The following MOB3B variants were observed in gnomAD, a reference collection of about 807,000 sequenced individuals.
The protein encoded by MOB3B is MOB kinase activator 3B.
MOB3B carries 7 observed loss-of-function variants against 18.7 expected under a neutral mutation model. The observed-to-expected ratio is 0.37, with a 90% CI of 0.21 to 0.70. The LOEUF is 0.70. Ranked by LOEUF, MOB3B falls within the 30% of genes least tolerant of loss-of-function variation. The pLI, the probability that MOB3B is intolerant of heterozygous loss-of-function variation, is 0.52. For synonymous variants in MOB3B, 111 were observed against 99.9 expected (o/e 1.11, Z -0.66); for missense variants, 253 against 281.3 (o/e 0.90, Z 0.72).
intron 2 of MOB3B, among the ~76,000 whole-genome samples, chr9:27,395,655 A>G (rs1161706861): frequency 6.6e-6 from 1 of 152,160 alleles, no homozygotes; most frequent in Non-Finnish European, 1.5e-5. Context: ...AACAGGAGAT[A>G]CCATATGGGT....
chr9:27,390,491 C>T (rs970817282), intron 2 of MOB3B, among the ~76,000 whole-genome samples: 3 of 152,164 alleles, frequency 2.0e-5, no homozygotes, highest in African/African-American at 7.2e-5. Flanking sequence ...CGTGAGCCAC[C>T]GTGCCCGGCC....
intron 3 of MOB3B, among the ~76,000 whole-genome samples, chr9:27,338,879 C>G (rs562279293): frequency 6.6e-6 from 1 of 152,352 alleles, no homozygotes; most frequent in East Asian, 1.9e-4. Context: ...CACCCCGACT[C>G]CGGTGGACAG....
At chr9:27,503,397 T>C (rs769106722) in intron 1 of MOB3B, among the ~76,000 whole-genome samples, 5 of 152,196 alleles carry the variant, frequency 3.3e-5, no homozygotes, top group Non-Finnish European at 5.9e-5. Context: ...CATCAACTTC[T>C]CGCAAATTAA....
intron 2 of MOB3B, among the ~76,000 whole-genome samples, chr9:27,377,933 T>A (rs1249512988): frequency 6.6e-6 from 1 of 152,230 alleles, no homozygotes; most frequent in Non-Finnish European, 1.5e-5. Flanking sequence ...CCAGCCTGTC[T>A]TGCTCTGCTC....
At chr9:27,520,111 C>T (rs1394318230) in intron 1 of MOB3B, among the ~76,000 whole-genome samples, 2 of 152,182 alleles carry the variant, frequency 1.3e-5, no homozygotes, top group Admixed American at 1.3e-4. Context: ...TGATTCGAAA[C>T]TTGTCTTTTC....
At chr9:27,376,734 C>A (rs188860690) in intron 2 of MOB3B, among the ~76,000 whole-genome samples, 1 of 152,214 alleles carries the variant, frequency 6.6e-6, no homozygotes, top group African/African-American at 2.4e-5. Flanking sequence ...CCAGCAGCAC[C>A]AGCAATATCT....
chr9:27,404,348 T>C (rs1410189553), intron 2 of MOB3B, among the ~76,000 whole-genome samples: 2 of 73,506 alleles, frequency 2.7e-5, no homozygotes, highest in Non-Finnish European at 4.6e-5. Context: ...TCTTTCTTTC[T>C]TTTTTTTTTT....
intron 2 of MOB3B, among the ~76,000 whole-genome samples, chr9:27,408,684 T>A (rs1279666819): frequency 6.6e-6 from 1 of 152,156 alleles, no homozygotes; most frequent in African/African-American, 2.4e-5. Context: ...AAGGTCCTGG[T>A]GGTTGGGCTG....
At chr9:27,336,163 AATT>A (rs1214742814) in intron 3 of MOB3B, among the ~76,000 whole-genome samples, 1 of 152,234 alleles carries the variant, frequency 6.6e-6, no homozygotes, top group Non-Finnish European at 1.5e-5. Context: ...GAGGCCCAGA[AATT>A]TGAACTAACT....
chr9:27,524,235 T>A, intron 1 of MOB3B: 1 of 1,033,136 alleles, frequency 9.7e-7, no homozygotes, highest in Admixed American at 3.4e-5. Flanking sequence ...ATGAGAAAAC[T>A]CCTCCTGCTG....
chr9:27,425,215 A>G (rs1368554902), intron 2 of MOB3B, among the ~76,000 whole-genome samples: 1 of 152,064 alleles, frequency 6.6e-6, no homozygotes, highest in Non-Finnish European at 1.5e-5. Context: ...GTGTCTACTA[A>G]AAATACAAAA....
intron 2 of MOB3B, among the ~76,000 whole-genome samples, chr9:27,451,450 G>A (rs888836188): frequency 2.0e-5 from 3 of 152,132 alleles, no homozygotes; most frequent in East Asian, 1.9e-4. Context: ...GAGAAAGTTC[G>A]ACTTCTGAAA....
chr9:27,452,507 T>C (rs955481457), intron 2 of MOB3B, among the ~76,000 whole-genome samples: 5 of 152,178 alleles, frequency 3.3e-5, no homozygotes, highest in African/African-American at 7.2e-5. Context: ...AAACAGAAGA[T>C]GCTTATTAAA....
chr9:27,430,791 T>C (rs1370439756), intron 2 of MOB3B, among the ~76,000 whole-genome samples: 1 of 152,162 alleles, frequency 6.6e-6, no homozygotes, highest in Admixed American at 6.5e-5. Context: ...TATTTTAAAG[T>C]ATTTTCTGTG....
At chr9:27,486,210 AG>A (rs1819727391) in intron 1 of MOB3B, among the ~76,000 whole-genome samples, 1 of 152,232 alleles carries the variant, frequency 6.6e-6, no homozygotes, top group African/African-American at 2.4e-5. Flanking sequence ...AGAGACTAGA[AG>A]GATTCAGGGT....
chr9:27,427,816 A>T (rs1822359282), intron 2 of MOB3B, among the ~76,000 whole-genome samples: 1 of 152,044 alleles, frequency 6.6e-6, no homozygotes, highest in Non-Finnish European at 1.5e-5. Flanking sequence ...AGGTTTCCTT[A>T]TCCTCTCTTC....
At chr9:27,483,329 T>G (rs950018811) in intron 1 of MOB3B, among the ~76,000 whole-genome samples, 1 of 152,024 alleles carries the variant, frequency 6.6e-6, no homozygotes, top group Admixed American at 6.5e-5. Flanking sequence ...AAACGGGGTT[T>G]CACCGTGTTA....
chr9:27,407,977 A>C (rs1822007865), intron 2 of MOB3B, among the ~76,000 whole-genome samples: 1 of 152,108 alleles, frequency 6.6e-6, no homozygotes, highest in Admixed American at 6.5e-5. Context: ...CCTAGCTGGT[A>C]TCTCCACTGA....
At chr9:27,455,014 G>T in intron 2 of MOB3B, 119 bp downstream of exon 2, 1 of 1,035,516 alleles carries the variant, frequency 9.7e-7, no homozygotes, top group Non-Finnish European at 1.5e-6. Flanking sequence ...ACTCACTACA[G>T]GTATGTGAGT....
Sources: allele counts gnomAD v4.1 joint callset (sites outside exome capture counted in the v4.1 genomes callset), GRCh38; gene constraint gnomAD v4.1.1; transcripts MANE v1.5; gene names NCBI Gene and HGNC (gene_info 2026-07-23, HGNC 2026-07-21).